DSG1: variants seen among roughly 807,000 people sequenced by gnomAD.
DSG1 encodes desmoglein-1.
DSG1 carries 39 observed loss-of-function variants against 97.5 expected under a neutral mutation model. The observed-to-expected ratio is 0.40, with a 90% CI of 0.31 to 0.52. DSG1 has a LOEUF of 0.52. DSG1 is among the 20% of genes least tolerant of loss of function. The pLI is 0.53. For missense variants in DSG1, 1,311 were observed against 1,295.4 expected, an observed-to-expected ratio of 1.01 and a Z score of -0.18; for synonymous variants, 475 against 443.4, an observed-to-expected ratio of 1.07 and a Z score of -0.90.
chr18:31,336,564 G>C lies in DSG1; in HGVS notation c.1216G>C (p.Asp406His). The C allele has an allele frequency of 1.2e-6, 2 of 1,614,026 alleles. No homozygotes were observed. The highest frequency in any genetic ancestry group is 1.7e-6 in the Non-Finnish European group (2 of 1,179,940). Residue 406 changes from aspartate (D) to histidine (H), a missense_variant, in exon 9 of 15, where the codon GAC becomes CAC. By Grantham distance (81) the Asp-to-His change is moderately conservative. This residue lies in a region of DSG1 where 1,038 missense variants were observed against 964.6 expected (regional missense o/e 1.08). Coordinates refer to ENST00000257192, the MANE Select transcript of DSG1 (RefSeq NM_001942.4). Reference protein sequence around the residue: ...GNMGSNDKVGDFVATDLDTGR... With the variant: ...GNMGSNDKVGHFVATDLDTGR... ...TATGGGATCAAATGATAAAGTGGGA[G>C]ACTTTGTAGCTACTGACCTGGACAC...
intron 1 of DSG1, among the ~76,000 whole-genome samples, chr18:31,323,763 C>T (rs1011120799): frequency 6.6e-6 from 1 of 152,134 alleles, no homozygotes. Flanking sequence ...CAAGCAAGTG[C>T]ATGTTCCATC....
At chr18:31,344,565 A>G (rs1254018173) in intron 13 of DSG1, among the ~76,000 whole-genome samples, 1 of 152,244 alleles carries the variant, frequency 6.6e-6, no homozygotes, top group East Asian at 1.9e-4. Flanking sequence ...ATTGAAAGCA[A>G]GTAGATGAAA....
In DSG1 at chr18:31,358,270, C is replaced by T. The variant is rs529507829; in HGVS notation, c.*2924C>T. On this transcript the variant is annotated 3_prime_UTR_variant, in exon 15 of 15. Transcript: ENST00000257192. ...AAATACTTTACCATTTAATATCAAC[C>T]AAAATACCATCTCAAGCTAATTTTG... Among the ~76,000 whole-genome samples, 1 of 151,916 alleles carries T rather than the reference C, an allele frequency of 6.6e-6. No homozygotes were observed. Among genetic ancestry groups the T allele is most frequent in the East Asian group, 1.9e-4 (1 of 5,178 alleles).
At chr18:31,346,277 G>C (rs2071835200) in intron 14 of DSG1, 79 bp downstream of exon 14, 1 of 1,240,648 alleles carries the variant, frequency 8.1e-7, no homozygotes, top group East Asian at 2.4e-5. Flanking sequence ...ATTCCTAAAG[G>C]GGCTTTGGCA....
chr18:31,334,197 G>T lies in DSG1; in HGVS notation c.1000G>T (p.Val334Phe). Reference sequence around the variant, plus strand: ...AACAAATGTGGGAATTTTAAAGGTTGTTAAGGTATGGTATAATTATCCTAA... The same window carrying T: ...AACAAATGTGGGAATTTTAAAGGTTTTTAAGGTATGGTATAATTATCCTAA... ...ERTNVGILKVVKPLDYEAMQS... is the reference protein window; with the variant it reads ...ERTNVGILKVFKPLDYEAMQS... The change falls in exon 8 of 15, where the codon GTT becomes TTT. Residue 334 changes from valine to phenylalanine, a missense_variant. Physicochemically the swap from Val to Phe is conservative, Grantham distance 50 (BLOSUM62 -1). This residue lies in a region of DSG1 where 1,038 missense variants were observed against 964.6 expected (regional missense o/e 1.08). Coordinates refer to ENST00000257192, the MANE Select transcript of DSG1 (RefSeq NM_001942.4). 1 of 1,577,282 alleles carries T rather than the reference G, an allele frequency of 6.3e-7. No homozygotes were observed. The highest frequency in any genetic ancestry group is 8.7e-7 in the Non-Finnish European group (1 of 1,147,710).
chr18:31,340,531 C>T (rs1254481460), intron 11 of DSG1, among the ~76,000 whole-genome samples: 1 of 150,610 alleles, frequency 6.6e-6, no homozygotes, highest in East Asian at 2.0e-4. Flanking sequence ...GTGCTTGAAC[C>T]CAGGAGGCGG....
Position 31,355,108 on chromosome 18 carries a change from G to A in DSG1, c.2912G>A (p.Ser971Asn). 1 of 1,614,044 alleles carries A rather than the reference G, an allele frequency of 6.2e-7. No homozygotes were observed. The highest frequency in any genetic ancestry group is 8.5e-7 in the Non-Finnish European group (1 of 1,179,878). Residue 971 changes from serine (S) to asparagine (N), a missense_variant, in exon 15 of 15, where the codon AGC becomes AAC. Physicochemically the swap from Ser to Asn is conservative, Grantham distance 46 (BLOSUM62 1). Transcript: ENST00000257192. ...GGAATTAGTGGCACCACTGGGATCA[G>A]CGGTGGCATAGGCAGCAGTGGCCTG... is the stretch of plus-strand genomic sequence containing the variant. ...VTGISGTTGISGGIGSSGLVG... is the reference protein window; with the variant it reads ...VTGISGTTGINGGIGSSGLVG...
In DSG1 at chr18:31,358,882, A is replaced by G. The variant is rs996301721; in HGVS notation, c.*3536A>G. On this transcript the variant is annotated 3_prime_UTR_variant, in exon 15 of 15. Coordinates refer to ENST00000257192, the MANE Select transcript of DSG1 (RefSeq NM_001942.4). Reference sequence around the variant, plus strand: ...TCTGTCTTCCACTTCCGGATTATTCAATTTATGTTAGGACAAATCTTGACT... The same window carrying G: ...TCTGTCTTCCACTTCCGGATTATTCGATTTATGTTAGGACAAATCTTGACT... Among the ~76,000 whole-genome samples, 1 of 152,092 alleles carries G rather than the reference A, an allele frequency of 6.6e-6. No homozygotes were observed. Among genetic ancestry groups the G allele is most frequent in the Non-Finnish European group, 1.5e-5 (1 of 67,972 alleles).
At chr18:31,338,501 A>G (rs1282046410) in intron 10 of DSG1, 47 bp downstream of exon 10, 33 of 1,582,660 alleles carry the variant, frequency 2.1e-5, no homozygotes, top group Non-Finnish European at 2.8e-5. Context: ...AAAGCTGTAT[A>G]TACCTTAAGA....
Position 31,328,867 on chromosome 18 carries a change from T to C in DSG1, c.372+523T>C, listed in dbSNP as rs184434800. The stretch of plus-strand genomic sequence containing the variant: ...TCCTCAAGCTCACCTGAGCTCCAAA[T>C]GCACCTTGAAAATGCATCCATTCTT... On this transcript the variant is annotated intron_variant, in intron 4 of 14. Coordinates refer to ENST00000257192, the MANE Select transcript of DSG1 (RefSeq NM_001942.4). Among the ~76,000 whole-genome samples, 13 of 152,302 alleles carry C rather than the reference T, an allele frequency of 8.5e-5. No homozygotes were observed. The East Asian group carries it at 1.4e-3, about 16-fold the overall frequency.
intron 13 of DSG1, 84 bp downstream of exon 13, chr18:31,344,079 C>A: frequency 9.9e-7 from 1 of 1,013,390 alleles, no homozygotes; most frequent in Non-Finnish European, 1.5e-6. Context: ...TTTTAATTAT[C>A]TTATTTTTCT....
At chr18:31,354,035 G>A (rs2071928722) in intron 14 of DSG1, 1 of 434,538 alleles carries the variant, frequency 2.3e-6, no homozygotes, top group Admixed American at 3.8e-5. Flanking sequence ...ATGGTTTTAT[G>A]TCCAAAGTAC....
rs759674134 is a variant in DSG1 at position 31,326,627 on chromosome 18, A to C, written c.84+11A>C. 6.3e-7 allele frequency: 1 copy of C among 1,598,586 alleles called. No individual in the cohort carries two copies. Among genetic ancestry groups the C allele is most frequent in the Admixed American group, 1.7e-5 (1 of 59,928 alleles). On this transcript the variant is annotated intron_variant, in intron 2 of 14. Transcript: ENST00000257192. ...GAATTCCGAATCCAGGTAATATATA[A>C]CAAATCCATTTTTCCAAATTTTTAA... is the stretch of plus-strand genomic sequence containing the variant.
rs548935245 is a variant in DSG1 at position 31,319,089 on chromosome 18, C to T, written c.48+741C>T. Among the ~76,000 whole-genome samples the T allele has an allele frequency of 3.3e-5, 5 of 152,196 alleles. No homozygotes were observed. The South Asian group carries it at 8.3e-4, about 25-fold the overall frequency. On this transcript the variant is annotated intron_variant, in intron 1 of 14. Transcript: ENST00000257192. ...AAAAGTTGTGCACTTGATCGTCTGACGAATGTAATGAAATACTTTATCATT... is the reference window on the plus strand; with the variant it reads ...AAAAGTTGTGCACTTGATCGTCTGATGAATGTAATGAAATACTTTATCATT...
chr18:31,328,223 C>A lies in DSG1; in HGVS notation c.251C>A (p.Thr84Lys). ...HSDCAANQQV[T>K]YRISGVGIDQ... ...GATTGTGCTGCAAACCAGCAAGTTA[C>A]ATACCGCATCTCTGGAGTAGGAATT... The change falls in exon 4 of 15, where the codon ACA becomes AAA. Residue 84 changes from threonine to lysine, a missense_variant. Coordinates refer to ENST00000257192, the MANE Select transcript of DSG1 (RefSeq NM_001942.4). The A allele has an allele frequency of 5.0e-6, 8 of 1,613,602 alleles. No homozygotes were observed. The highest frequency in any genetic ancestry group is 6.8e-6 in the Non-Finnish European group (8 of 1,179,588).
chr18:31,359,136 G>C lies in DSG1; in HGVS notation c.*3790G>C, dbSNP rs558880828. The stretch of plus-strand genomic sequence containing the variant: ...CTCTTATTCAAGTTTCAATATAAAA[G>C]TTTTTGGATTATTTGGGTGCTAGTT... On this transcript the variant is annotated 3_prime_UTR_variant, in exon 15 of 15. Transcript: ENST00000257192. 1.1e-4 allele frequency among the ~76,000 whole-genome samples: 16 copies of C among 151,982 alleles called. No homozygotes were observed. The highest frequency in any genetic ancestry group is 1.3e-4 in the Admixed American group (2 of 15,260).
intron 9 of DSG1, among the ~76,000 whole-genome samples, 171 bp downstream of exon 9, chr18:31,336,784 A>G (rs2071757322): frequency 6.6e-6 from 1 of 152,218 alleles, no homozygotes; most frequent in Non-Finnish European, 1.5e-5. Flanking sequence ...ACTTAAGAAA[A>G]CATAAAAATT....
At chr18:31,351,726 G>A (rs2071898320) in intron 14 of DSG1, among the ~76,000 whole-genome samples, 1 of 150,100 alleles carries the variant, frequency 6.7e-6, no homozygotes, top group East Asian at 2.0e-4. Context: ...TTATGTAATG[G>A]CCTTCTTTGT....
intron 14 of DSG1, among the ~76,000 whole-genome samples, chr18:31,351,334 T>C (rs1361541785): frequency 2.7e-5 from 4 of 148,198 alleles, no homozygotes; most frequent in Non-Finnish European, 5.9e-5. Flanking sequence ...GTCTGAGAGA[T>C]AGTTTGTTAT....
Sources: allele counts gnomAD v4.1 joint callset (sites outside exome capture counted in the v4.1 genomes callset), GRCh38; gene constraint gnomAD v4.1.1; regional missense constraint gnomAD v4.1.1; transcripts MANE v1.5; gene names NCBI Gene and HGNC (gene_info 2026-07-23, HGNC 2026-07-21).